ATP5MC2: variants seen among roughly 807,000 people sequenced by gnomAD.
ATP5MC2 encodes the protein ATP synthase F(0) complex subunit C2, mitochondrial.
ATP5MC2 carries 11 observed loss-of-function variants against 13.5 expected under a neutral mutation model. That is an observed-to-expected ratio of 0.81 (90% CI 0.51 to 1.35). The LOEUF is 1.35. ATP5MC2 is among the 40% of genes most tolerant of loss of function. The pLI, the probability that ATP5MC2 is intolerant of heterozygous loss-of-function variation, is 0.00. For missense variants in ATP5MC2, 132 were observed against 175.0 expected, an observed-to-expected ratio of 0.75 and a Z score of 1.39; for synonymous variants, 64 against 69.7, an observed-to-expected ratio of 0.92 and a Z score of 0.41.
Position 53,665,490 on chromosome 12 carries a change from C to G in ATP5MC2, c.312-62G>C, listed in dbSNP as rs1478722837. The G allele has an allele frequency of 1.3e-5, 17 of 1,306,096 alleles. No homozygotes were observed. In the South Asian group the frequency reaches 2.0e-4, roughly 16 times the overall value. The allele number at this position is 1,306,096 out of a possible 1,614,324, so 80.9% of individuals were successfully genotyped here. A position where few individuals can be genotyped will look rare whatever the true frequency, so the allele number is the denominator to read the frequency against. Reference sequence around the variant, plus strand: ...TTCACACAAAGAAAAGGATAAATATCTAAGATGGGCTCAGGGAGAATCCCC... The same window carrying G: ...TTCACACAAAGAAAAGGATAAATATGTAAGATGGGCTCAGGGAGAATCCCC... On this transcript the variant is annotated intron_variant, in intron 4 of 4. Transcript: ENST00000394349.
At chr12:53,670,608 GTTTC>G (rs553014957) in intron 2 of ATP5MC2, among the ~76,000 whole-genome samples, 110 of 151,850 alleles carry the variant, frequency 7.2e-4, no homozygotes, top group Admixed American at 2.0e-3. Context: ...TCGAAGTATG[GTTTC>G]TTTCTTTCTT....
intron 1 of ATP5MC2, chr12:53,673,526 T>C (rs980589149): frequency 2.0e-5 from 3 of 152,268 alleles, no homozygotes; most frequent in African/African-American, 7.3e-5. Flanking sequence ...TATTAGTCTA[T>C]CCAAAAGGTA....
chr12:53,669,781 T>G (rs564026057), intron 3 of ATP5MC2, 90 bp downstream of exon 3: 2 of 1,368,638 alleles, frequency 1.5e-6, no homozygotes, highest in South Asian at 2.4e-5. Flanking sequence ...CTGTGATGAC[T>G]GTCCTCAGCA....
chr12:53,676,437 C>A (rs1011159478), upstream of ATP5MC2: 6 of 519,872 alleles, frequency 1.2e-5, no homozygotes, highest in Non-Finnish European at 1.7e-5. Flanking sequence ...TCAGTGTTAA[C>A]ATACGGTCGG....
At chr12:53,677,414 T>C (rs1945305210), upstream of ATP5MC2, 1 of 152,230 alleles carries the variant, frequency 6.6e-6, no homozygotes, top group Admixed American at 6.5e-5. Flanking sequence ...TTTGCCCGGA[T>C]GAGGCCCCGA....
At chr12:53,668,750 G>A (rs1026925724) in intron 4 of ATP5MC2, among the ~76,000 whole-genome samples, 1 of 152,038 alleles carries the variant, frequency 6.6e-6, no homozygotes, top group African/African-American at 2.4e-5. Flanking sequence ...CAAGCGCGGG[G>A]GCTCATGCCT....
chr12:53,666,806 C>T (rs1267069143), intron 4 of ATP5MC2, among the ~76,000 whole-genome samples: 1 of 146,824 alleles, frequency 6.8e-6, no homozygotes, highest in Non-Finnish European at 1.5e-5. Flanking sequence ...ATTAGCCGGG[C>T]GTGGTGGTGG....
upstream of ATP5MC2, among the ~76,000 whole-genome samples, chr12:53,678,104 C>G (rs1038436724): frequency 6.6e-6 from 1 of 152,198 alleles, no homozygotes; most frequent in Non-Finnish European, 1.5e-5. Flanking sequence ...GTTTAACACT[C>G]CCTTGCCCTC....
At chr12:53,681,330 A>T (rs1244853149), upstream of ATP5MC2, among the ~76,000 whole-genome samples, 2 of 151,332 alleles carry the variant, frequency 1.3e-5, no homozygotes, top group Non-Finnish European at 2.9e-5. Flanking sequence ...GTTCAAAACC[A>T]GCCTGGCCAA....
intron 1 of ATP5MC2, chr12:53,673,510 C>T (rs910842212): frequency 5.9e-5 from 9 of 152,270 alleles, no homozygotes; most frequent in African/African-American, 2.2e-4. Context: ...CAAGGAGGAA[C>T]TCTGTTATTA....
chr12:53,665,233 G>A lies in ATP5MC2; in HGVS notation c.*81C>T, dbSNP rs1944880723. 9.0e-7 allele frequency: 1 copy of A among 1,113,924 alleles called. No homozygotes were observed. Among genetic ancestry groups the A allele is most frequent in the Non-Finnish European group, 1.3e-6 (1 of 768,146 alleles). The allele number at this position is 1,113,924 out of a possible 1,614,324, so 69.0% of individuals were successfully genotyped here. On this transcript the variant is annotated 3_prime_UTR_variant, in exon 5 of 5. Transcript: ENST00000394349. ...AACCCTGAGCCAACCACGTTCCCCAGGCTGCCTGGGGAGGTATAGGAAAAG... is the reference window on the plus strand; with the variant it reads ...AACCCTGAGCCAACCACGTTCCCCAAGCTGCCTGGGGAGGTATAGGAAAAG...
chr12:53,666,161 A>G (rs1944908282), intron 4 of ATP5MC2, among the ~76,000 whole-genome samples: 2 of 150,060 alleles, frequency 1.3e-5, no homozygotes, highest in Admixed American at 1.3e-4. Flanking sequence ...TACAAAAATT[A>G]GGCCAGGCGC....
At chr12:53,673,210 T>A (rs1406944439) in intron 1 of ATP5MC2, 1 of 152,604 alleles carries the variant, frequency 6.6e-6, no homozygotes, top group East Asian at 1.9e-4. Context: ...TCCCAGCTAC[T>A]CAGGAGGCTG....
In ATP5MC2 at chr12:53,665,237, G is replaced by A; in HGVS notation, c.*77C>T. 5.2e-6 allele frequency: 6 copies of A among 1,162,080 alleles called. No individual in the cohort carries two copies. The highest frequency in any genetic ancestry group is 7.4e-6 in the Non-Finnish European group (6 of 808,214). 72.0% of individuals were successfully genotyped at this position (1,162,080 alleles called of 1,614,324 possible). A position where few individuals can be genotyped will look rare whatever the true frequency, so the allele number is the denominator to read the frequency against. ...CTGAGCCAACCACGTTCCCCAGGCT[G>A]CCTGGGGAGGTATAGGAAAAGGAAC... On this transcript the variant is annotated 3_prime_UTR_variant, in exon 5 of 5. Transcript: ENST00000394349.
At chr12:53,670,473 G>A (rs753372643) in intron 2 of ATP5MC2, among the ~76,000 whole-genome samples, 9 of 152,166 alleles carry the variant, frequency 5.9e-5, no homozygotes, top group African/African-American at 1.2e-4. Flanking sequence ...ACAGTACACC[G>A]TAGAGTACTG....
At chr12:53,670,989 T>TA (rs1945080103) in intron 2 of ATP5MC2, among the ~76,000 whole-genome samples, 1 of 99,120 alleles carries the variant, frequency 1.0e-5, no homozygotes, top group South Asian at 3.2e-4. Flanking sequence ...AAAAAAATCT[T>TA]AATCTAAAGT....
chr12:53,677,372 G>A (rs1365257978), upstream of ATP5MC2: 1 of 152,250 alleles, frequency 6.6e-6, no homozygotes, highest in Non-Finnish European at 1.5e-5. Flanking sequence ...AATTTCCCGG[G>A]ACCCCGAGCG....
At chr12:53,674,665 T>C (rs1332655670) in intron 1 of ATP5MC2, among the ~76,000 whole-genome samples, 1 of 152,230 alleles carries the variant, frequency 6.6e-6, no homozygotes, top group Non-Finnish European at 1.5e-5. Context: ...GCCCAGGCTA[T>C]TGTGGAACTC....
chr12:53,667,689 G>A (rs999912010), intron 4 of ATP5MC2, among the ~76,000 whole-genome samples: 1 of 151,698 alleles, frequency 6.6e-6, no homozygotes, highest in Non-Finnish European at 1.5e-5. Context: ...TAGAGAAGGG[G>A]TTTCACCATG....
Sources: gnomAD v4.1 joint callset for allele counts (sites outside exome capture counted in the v4.1 genomes callset) on GRCh38, gnomAD v4.1.1 for gene constraint, MANE v1.5 for transcripts, NCBI Gene and HGNC (gene_info 2026-07-23, HGNC 2026-07-21) for gene names.